Variants in MYO3A observed in about 807,000 individuals in gnomAD.
MYO3A encodes the protein myosin-IIIa.
In MYO3A, 180 loss-of-function variants were observed where a neutral mutation model predicts 192.7. That is an observed-to-expected ratio of 0.93 (90% CI 0.83 to 1.06). MYO3A has a LOEUF of 1.06. Among genes scored for constraint, MYO3A ranks in the 50% least tolerant of loss-of-function variants. MYO3A has a pLI of 0.00. For missense variants in MYO3A, 1,896 were observed against 1,905.0 expected (o/e 1.00, Z 0.09); for synonymous variants, 628 against 645.3 (o/e 0.97, Z 0.41).
rs1844240296 is a variant in MYO3A at position 26,211,970 on chromosome 10, A to C, written c.*7A>C. On this transcript the variant is annotated 3_prime_UTR_variant, in exon 35 of 35. Transcript: ENST00000642920. ...CCTCGTCCAGCAGTCCTAACCGTTCAACGAGGCAGTCACCGCCGTCGGAAG... is the reference window on the plus strand; with the variant it reads ...CCTCGTCCAGCAGTCCTAACCGTTCCACGAGGCAGTCACCGCCGTCGGAAG... The C allele has an allele frequency of 1.2e-6, 2 of 1,609,012 alleles. No individual in the cohort carries two copies. The highest frequency in any genetic ancestry group is 1.7e-6 in the Non-Finnish European group (2 of 1,175,910).
At position 26,096,556 on chromosome 10, in the gene MYO3A, T is replaced by C. The variant is rs773933546; in HGVS notation, c.1662-12T>C. On this transcript the variant is annotated splice_polypyrimidine_tract_variant and intron_variant, in intron 16 of 34. Transcript: ENST00000642920. ...TTTTAGACTTTTATCCTTCCTTTTA[T>C]ATTTTTTTTAGGTACCTACAAAATG... The C allele has an allele frequency of 6.3e-7, 1 of 1,594,146 alleles. No individual in the cohort carries two copies. The highest frequency in any genetic ancestry group is 1.1e-5 in the South Asian group (1 of 90,646).
chr10:25,935,377 G>A (rs1280934969), intron 1 of MYO3A, among the ~76,000 whole-genome samples: 2 of 152,170 alleles, frequency 1.3e-5, no homozygotes, highest in Non-Finnish European at 2.9e-5. Flanking sequence ...GCCTTGAAAT[G>A]ACTGTTGTAA....
At chr10:26,168,688 T>C (rs1222114780) in intron 27 of MYO3A, 24 bp from the exon 28 acceptor site, 2 of 1,604,642 alleles carry the variant, frequency 1.2e-6, no homozygotes, top group African/African-American at 2.7e-5. Context: ...CCATGGTTCT[T>C]TGTATTATAT....
intron 3 of MYO3A, among the ~76,000 whole-genome samples, chr10:25,954,055 G>C (rs1017944633): frequency 1.3e-5 from 2 of 152,074 alleles, no homozygotes; most frequent in Non-Finnish European, 2.9e-5. Context: ...TAGCAGGCTC[G>C]GAGTCTATAT....
intron 34 of MYO3A, among the ~76,000 whole-genome samples, chr10:26,205,604 T>C (rs1424305361): frequency 7.0e-6 from 1 of 143,776 alleles, no homozygotes; most frequent in Admixed American, 7.1e-5. Context: ...ATTTCTTTTC[T>C]TTTCTTTTTT....
At chr10:26,161,823 T>A (rs537935169) in intron 26 of MYO3A, among the ~76,000 whole-genome samples, 1 of 152,352 alleles carries the variant, frequency 6.6e-6, no homozygotes, top group East Asian at 1.9e-4. Flanking sequence ...TGACCTATAG[T>A]GGCCTAGGGG....
At chr10:26,048,829 T>C (rs1282143093) in intron 10 of MYO3A, among the ~76,000 whole-genome samples, 1 of 152,284 alleles carries the variant, frequency 6.6e-6, no homozygotes, top group African/African-American at 2.4e-5. Flanking sequence ...TTTGAGTTGT[T>C]TGCTTAAAGA....
chr10:26,170,627 T>G, intron 29 of MYO3A, 88 bp downstream of exon 29: 4 of 1,428,374 alleles, frequency 2.8e-6, no homozygotes, highest in Non-Finnish European at 9.6e-7. Context: ...GCCTTTCTTG[T>G]ACTAGTCAGG....
chr10:26,101,657 G>T (rs535523775), intron 17 of MYO3A, among the ~76,000 whole-genome samples: 7 of 152,094 alleles, frequency 4.6e-5, no homozygotes, highest in African/African-American at 1.7e-4. Context: ...CACTTATGAA[G>T]CTTAGTTTGG....
intron 28 of MYO3A, among the ~76,000 whole-genome samples, 186 bp downstream of exon 28, chr10:26,169,060 G>A (rs959216267): frequency 1.5e-4 from 23 of 152,044 alleles, no homozygotes; most frequent in South Asian, 4.1e-4. Context: ...TTGGATAAAC[G>A]TTTTGTCTTA....
At chr10:25,990,492 T>C (rs1839945514) in intron 4 of MYO3A, among the ~76,000 whole-genome samples, 1 of 151,070 alleles carries the variant, frequency 6.6e-6, no homozygotes, top group Non-Finnish European at 1.5e-5. Context: ...GGTAAAAGAG[T>C]TGTATTTCTT....
chr10:26,127,694 C>T (rs181590393), intron 19 of MYO3A, among the ~76,000 whole-genome samples: 27 of 150,618 alleles, frequency 1.8e-4, no homozygotes, highest in African/African-American at 6.6e-4. Flanking sequence ...TTATAATTCA[C>T]ATCAAAATAA....
At chr10:26,079,508 T>C (rs184584353) in intron 14 of MYO3A, among the ~76,000 whole-genome samples, 3 of 152,308 alleles carry the variant, frequency 2.0e-5, no homozygotes, top group African/African-American at 7.2e-5. Context: ...AATGTTAGTA[T>C]TGAGATGTGA....
intron 10 of MYO3A, among the ~76,000 whole-genome samples, chr10:26,052,587 C>T (rs1453831339): frequency 6.6e-6 from 1 of 152,140 alleles, no homozygotes; most frequent in Non-Finnish European, 1.5e-5. Flanking sequence ...TGGTAGACAA[C>T]GTTGGTTGTT....
chr10:26,028,491 C>T (rs1842662075), intron 10 of MYO3A, among the ~76,000 whole-genome samples: 1 of 152,214 alleles, frequency 6.6e-6, no homozygotes, highest in South Asian at 2.1e-4. Flanking sequence ...AATCATGGGT[C>T]ATCCATGCCC....
At chr10:26,031,240 A>G (rs1211826288) in intron 10 of MYO3A, among the ~76,000 whole-genome samples, 1 of 152,192 alleles carries the variant, frequency 6.6e-6, no homozygotes, top group African/African-American at 2.4e-5. Flanking sequence ...AATGGAGAGG[A>G]TGGGAGAGAG....
chr10:25,972,439 G>A lies in MYO3A; in HGVS notation c.303+17431G>A, dbSNP rs181383197. On this transcript the variant is annotated intron_variant, in intron 4 of 34. Transcript: ENST00000642920. ...TCCACTAAGTCCAATGACTGGGCCC[G>A]CTCACAAGCCCTTCTTTTTTTCATG... Among the ~76,000 whole-genome samples the A allele has an allele frequency of 9.9e-3, 1,509 of 151,944 alleles. 14 individuals are homozygous for A. The highest frequency in any genetic ancestry group is 0.017 in the South Asian group (81 of 4,802).
At chr10:26,061,222 C>A (rs1564508285) in intron 10 of MYO3A, among the ~76,000 whole-genome samples, 1 of 152,176 alleles carries the variant, frequency 6.6e-6, no homozygotes, top group Non-Finnish European at 1.5e-5. Context: ...AGCCACCACG[C>A]CCGGCCGACA....
rs61731629 is a variant in MYO3A at position 26,173,672 on chromosome 10, C to G, written c.3408C>G (p.Phe1136Leu). Residue 1136 changes from phenylalanine (F) to leucine (L), a missense_variant, in exon 30 of 35, where the codon TTC becomes TTG. Coordinates refer to ENST00000642920, the MANE Select transcript of MYO3A (RefSeq NM_017433.5). ...AATATATTTTACACAGGGAATCTTT[C>G]GTGAAGAAACAAGCAGAAAATGCAA... ...KKNFENTRES[F>L]VKKQAENAIS... The G allele has an allele frequency of 1.2e-6, 2 of 1,612,952 alleles. No homozygotes were observed. Among genetic ancestry groups the G allele is most frequent in the Non-Finnish European group, 8.5e-7 (1 of 1,179,380 alleles).
Sources: gnomAD v4.1 joint callset for allele counts (sites outside exome capture counted in the v4.1 genomes callset) on GRCh38, gnomAD v4.1.1 for gene constraint, MANE v1.5 for transcripts, NCBI Gene and HGNC (gene_info 2026-07-23, HGNC 2026-07-21) for gene names.